ZMYM2: variants seen among roughly 807,000 people sequenced by gnomAD.
ZMYM2 encodes the protein zinc finger MYM-type protein 2.
A neutral mutation model predicts 162.8 loss-of-function variants in ZMYM2; 56 were observed. The observed-to-expected ratio is 0.34, with a 90% CI of 0.28 to 0.43. The LOEUF (loss-of-function observed/expected upper bound fraction) is 0.43, where lower values mean the gene tolerates loss of function less well. Among genes scored for constraint, ZMYM2 ranks in the 20% least tolerant of loss-of-function variants. The pLI, the probability that ZMYM2 is intolerant of heterozygous loss-of-function variation, is 1.00. For synonymous variants in ZMYM2, 510 were observed against 541.6 expected (o/e 0.94, Z 0.81); for missense variants, 1,275 against 1,621.8 (o/e 0.79, Z 3.67).
chr13:19,906,539 T>TATA, the ZMYM2 span, among the ~76,000 whole-genome samples: 1 of 6,864 alleles, frequency 1.5e-4, no homozygotes, highest in South Asian at 2.2e-3. Context: ...TATATATATA[T>TATA]TTTTTTTGTT....
At chr13:19,880,746 ATT>A in the ZMYM2 span, among the ~76,000 whole-genome samples, 2 of 151,910 alleles carry the variant, frequency 1.3e-5, no homozygotes, top group Non-Finnish European at 2.9e-5. Context: ...TGTTTTCTTA[ATT>A]TTCTTTTTGG....
At chr13:19,884,415 A>C in the ZMYM2 span, among the ~76,000 whole-genome samples, 30 of 152,210 alleles carry the variant, frequency 2.0e-4, no homozygotes, top group East Asian at 3.5e-3. Context: ...TCTATGACTA[A>C]CGATACAAAA....
At chr13:20,026,837 T>A in intron 8 of ZMYM2, 75 bp downstream of exon 8, 1 of 1,413,966 alleles carries the variant, frequency 7.1e-7, no homozygotes, top group African/African-American at 1.5e-5. Context: ...TCATTTGATG[T>A]TTTTATGCTT....
At chr13:19,888,557 T>C in the ZMYM2 span, among the ~76,000 whole-genome samples, 2 of 151,948 alleles carry the variant, frequency 1.3e-5, no homozygotes, top group Non-Finnish European at 1.5e-5. Context: ...AACTATTAAC[T>C]TTGTATGAGA....
At chr13:19,948,063 T>C in the ZMYM2 span, among the ~76,000 whole-genome samples, 2 of 151,248 alleles carry the variant, frequency 1.3e-5, no homozygotes, top group African/African-American at 4.9e-5. Context: ...GATACCACTA[T>C]ATACCTATCA....
intron 9 of ZMYM2, among the ~76,000 whole-genome samples, chr13:20,029,246 A>G (rs1427116862): frequency 1.3e-5 from 2 of 152,212 alleles, no homozygotes; most frequent in Non-Finnish European, 2.9e-5. Context: ...TCACATGGTG[A>G]AGGTAGCGAA....
At chr13:20,083,839 C>T in intron 24 of ZMYM2, 63 bp downstream of exon 24, 1 of 1,522,256 alleles carries the variant, frequency 6.6e-7, no homozygotes, top group Non-Finnish European at 8.9e-7. Flanking sequence ...TTAAATTTAA[C>T]ATTACCAAGA....
chr13:19,950,536 C>T, the ZMYM2 span, among the ~76,000 whole-genome samples: 1 of 152,156 alleles, frequency 6.6e-6, no homozygotes, highest in African/African-American at 2.4e-5. Context: ...ATAAGGCAAA[C>T]GCTAAGCTCT....
chr13:20,083,765 C>G lies in ZMYM2; in HGVS notation c.3930C>G (p.Tyr1310Ter). The G allele has an allele frequency of 1.2e-6, 2 of 1,603,586 alleles. No homozygotes were observed. The highest frequency in any genetic ancestry group is 2.2e-5 in the East Asian group (1 of 44,710). Residue 1310 changes from tyrosine (Y) to a stop codon, truncating the protein, a stop_gained, in exon 24 of 25, where the codon TAC (tyrosine) becomes TAG (stop). Transcript: ENST00000610343. LOFTEE classifies it high-confidence loss of function. ...GTCCTGTGAAAATGTTTGAATGCTA[C>G]TTGTCTAAAAGGTGAGTGTTAATGA... ...SRCPVKMFEC[Y>*]LSKSPQNLNQ...
At chr13:19,976,722 T>C (rs946995898) in intron 2 of ZMYM2, among the ~76,000 whole-genome samples, 3 of 152,248 alleles carry the variant, frequency 2.0e-5, no homozygotes, top group Admixed American at 6.5e-5. Flanking sequence ...TTCTACGTTA[T>C]AGCGTGTGTC....
intron 12 of ZMYM2, among the ~76,000 whole-genome samples, chr13:20,045,984 G>A (rs1368871673): frequency 1.3e-5 from 2 of 151,340 alleles, no homozygotes; most frequent in South Asian, 2.1e-4. Context: ...GCTTATGCTT[G>A]TAATCCCAGC....
rs144558095 is a variant in ZMYM2 at position 20,078,986 on chromosome 13, A to G, written c.3454-3030A>G. ...AGAAATCTAAGTGAAATGAGAGACCAGTAACTCTTAAAAAAGGAATTTATA... is the reference window on the plus strand; with the variant it reads ...AGAAATCTAAGTGAAATGAGAGACCGGTAACTCTTAAAAAAGGAATTTATA... On this transcript the variant is annotated intron_variant, in intron 21 of 24. Coordinates refer to ENST00000610343, the MANE Select transcript of ZMYM2 (RefSeq NM_197968.4). Among the ~76,000 whole-genome samples, 25 of 151,940 alleles carry G rather than the reference A, an allele frequency of 1.6e-4. 1 individual carries two copies. The highest frequency in any genetic ancestry group is 1.6e-3 in the Admixed American group (25 of 15,246).
At chr13:19,982,205 A>G (rs1566210578) in intron 2 of ZMYM2, among the ~76,000 whole-genome samples, 1 of 145,416 alleles carries the variant, frequency 6.9e-6, no homozygotes, top group Non-Finnish European at 1.5e-5. Flanking sequence ...AAACTTGTGG[A>G]TTTATTTGGA....
chr13:19,978,424 T>G (rs553255309), intron 2 of ZMYM2, among the ~76,000 whole-genome samples: 106 of 148,862 alleles, frequency 7.1e-4, no homozygotes, highest in African/African-American at 2.3e-3. Flanking sequence ...GTTTTTTGGG[T>G]TTTTTTTTTG....
At chr13:19,904,892 C>T in the ZMYM2 span, among the ~76,000 whole-genome samples, 2 of 152,104 alleles carry the variant, frequency 1.3e-5, no homozygotes, top group Non-Finnish European at 2.9e-5. Context: ...GAATAATATC[C>T]ACCACAATTT....
chr13:20,063,829 A>AT (rs1182505185), intron 18 of ZMYM2, among the ~76,000 whole-genome samples: 5,811 of 145,534 alleles, frequency 0.04, 193 homozygotes, highest in South Asian at 0.068. Context: ...ACATAAATAT[A>AT]ATTTTATATA....
At chr13:19,967,789 T>TGCTC (rs1460459846) in intron 2 of ZMYM2, among the ~76,000 whole-genome samples, 1 of 152,180 alleles carries the variant, frequency 6.6e-6, no homozygotes, top group Non-Finnish European at 1.5e-5. Flanking sequence ...CAATAGTAGG[T>TGCTC]GCTCAGTTAA....
intron 18 of ZMYM2, 108 bp downstream of exon 18, chr13:20,063,079 T>C: frequency 7.8e-7 from 1 of 1,284,832 alleles, no homozygotes; most frequent in South Asian, 1.7e-5. Flanking sequence ...GTTCATATTT[T>C]TTATTCTTGT....
In ZMYM2 at chr13:20,086,124, A is replaced by G. The variant is rs538491145; in HGVS notation, c.*110A>G. 3.9e-5 allele frequency: 45 copies of G among 1,139,854 alleles called. 1 individual carries two copies. The highest frequency in any genetic ancestry group is 5.4e-5 in the Non-Finnish European group (44 of 818,824). The allele number at this position is 1,139,854 out of a possible 1,614,324, so 70.6% of individuals were successfully genotyped here. ...TTACTCCTTCTGTTTTGAGTTTTGT[A>G]GCAGTGTACCCACGCTGGGTATTAC... On this transcript the variant is annotated 3_prime_UTR_variant, in exon 25 of 25. Coordinates refer to ENST00000610343, the MANE Select transcript of ZMYM2 (RefSeq NM_197968.4).
Sources: gnomAD v4.1 joint callset for allele counts (sites outside exome capture counted in the v4.1 genomes callset) on GRCh38, gnomAD v4.1.1 for gene constraint, MANE v1.5 for transcripts, NCBI Gene and HGNC (gene_info 2026-07-23, HGNC 2026-07-21) for gene names.